CNTNAP2: variants seen among roughly 807,000 people sequenced by gnomAD.
CNTNAP2 encodes the protein contactin-associated protein-like 2.
A neutral mutation model predicts 155.2 loss-of-function variants in CNTNAP2; 98 were observed. The ratio of observed to expected loss-of-function variants is 0.63; its 90% CI spans 0.54 to 0.75. The LOEUF (loss-of-function observed/expected upper bound fraction) is 0.75. Among genes scored for constraint, CNTNAP2 ranks in the 30% least tolerant of loss-of-function variants. The pLI, the probability that CNTNAP2 is intolerant of heterozygous loss-of-function variation, is 0.00. For missense variants in CNTNAP2, 1,727 were observed against 1,688.1 expected (o/e 1.02, Z -0.40); for synonymous variants, 651 against 631.2 (o/e 1.03, Z -0.47).
chr7:146,173,708 A>C (rs1486238142), intron 1 of CNTNAP2, among the ~76,000 whole-genome samples: 3 of 152,322 alleles, frequency 2.0e-5, no homozygotes, highest in African/African-American at 7.2e-5. Flanking sequence ...AGGACTCTAA[A>C]AATTGCTCAG....
intron 17 of CNTNAP2, among the ~76,000 whole-genome samples, chr7:148,158,367 C>T (rs1305293382): frequency 6.6e-6 from 1 of 151,916 alleles, no homozygotes; most frequent in African/African-American, 2.4e-5. Context: ...GGACTACAGG[C>T]ACACGTCACC....
At chr7:146,812,039 C>T (rs1423429237) in intron 2 of CNTNAP2, among the ~76,000 whole-genome samples, 14 of 152,018 alleles carry the variant, frequency 9.2e-5, no homozygotes, top group Admixed American at 9.2e-4. Flanking sequence ...TGAAAATGGA[C>T]TAATACAGTA....
chr7:146,551,886 T>C (rs1429269504), intron 1 of CNTNAP2, among the ~76,000 whole-genome samples: 1 of 152,124 alleles, frequency 6.6e-6, no homozygotes, highest in Non-Finnish European at 1.5e-5. Context: ...GAGACTGCAT[T>C]GATTAGTTCT....
chr7:147,631,338 A>G (rs1056998391), intron 12 of CNTNAP2, among the ~76,000 whole-genome samples: 2 of 152,178 alleles, frequency 1.3e-5, no homozygotes, highest in Non-Finnish European at 2.9e-5. Context: ...CATTAATGAC[A>G]CAAACAAATG....
chr7:148,334,043 T>G (rs1798076057), intron 21 of CNTNAP2, among the ~76,000 whole-genome samples: 1 of 152,250 alleles, frequency 6.6e-6, no homozygotes, highest in South Asian at 2.1e-4. Flanking sequence ...AGAGTTTGTG[T>G]AATTTTCATC....
At chr7:147,624,056 A>T (rs1794922517) in intron 12 of CNTNAP2, among the ~76,000 whole-genome samples, 1 of 152,162 alleles carries the variant, frequency 6.6e-6, no homozygotes, top group Admixed American at 6.6e-5. Context: ...CTGAATGTTC[A>T]TATGCGGAAG....
In CNTNAP2 at chr7:147,199,715, G is replaced by A. The variant is rs201725750; in HGVS notation, c.1348+67206G>A. The stretch of plus-strand genomic sequence containing the variant: ...GAGATTCTTTAGAGAAATGAAGTTC[G>A]TCTGTTACAATTACACTGGCATGCT... On this transcript the variant is annotated intron_variant, in intron 8 of 23. Transcript: ENST00000361727. 8.6e-5 allele frequency among the ~76,000 whole-genome samples: 13 copies of A among 151,706 alleles called. 1 individual carries two copies. Among genetic ancestry groups the A allele is most frequent in the South Asian group, 8.3e-4 (4 of 4,812 alleles).
intron 16 of CNTNAP2, among the ~76,000 whole-genome samples, chr7:148,138,613 A>C (rs915831896): frequency 6.6e-5 from 10 of 152,114 alleles, no homozygotes; most frequent in Non-Finnish European, 1.3e-4. Context: ...TCTCCTCTTC[A>C]TCTCTAGGGG....
chr7:146,553,630 A>G (rs1798153166), intron 1 of CNTNAP2, among the ~76,000 whole-genome samples: 1 of 151,372 alleles, frequency 6.6e-6, no homozygotes, highest in Non-Finnish European at 1.5e-5. Context: ...TGGACTAACA[A>G]TTTCATTTAC....
intron 13 of CNTNAP2, among the ~76,000 whole-genome samples, chr7:147,671,090 G>A (rs1032421279): frequency 4.6e-5 from 7 of 152,222 alleles, no homozygotes; most frequent in African/African-American, 1.7e-4. Flanking sequence ...CCCATGAGTG[G>A]TGGAGCACAG....
At chr7:148,240,488 T>C (rs1796125936) in intron 20 of CNTNAP2, among the ~76,000 whole-genome samples, 1 of 152,152 alleles carries the variant, frequency 6.6e-6, no homozygotes. Flanking sequence ...TTGAGGACAA[T>C]GTCAGTGTAA....
chr7:148,067,314 CCT>C (rs1451974236), intron 15 of CNTNAP2, among the ~76,000 whole-genome samples: 1 of 152,160 alleles, frequency 6.6e-6, no homozygotes, highest in Non-Finnish European at 1.5e-5. Flanking sequence ...GTGCTCTCCC[CCT>C]TTCCCTAGGG....
At chr7:147,583,320 G>A (rs1371180409) in intron 12 of CNTNAP2, among the ~76,000 whole-genome samples, 1 of 151,770 alleles carries the variant, frequency 6.6e-6, no homozygotes, top group Non-Finnish European at 1.5e-5. Flanking sequence ...ATGACATACG[G>A]CTAAGCCTGT....
chr7:147,037,900 A>T (rs982514), intron 3 of CNTNAP2, among the ~76,000 whole-genome samples: 87,200 of 152,062 alleles, frequency 0.57, 26,528 homozygotes, highest in African/African-American at 0.77. Flanking sequence ...CAGCTTTGTA[A>T]TCAAGACAAT....
intron 1 of CNTNAP2, among the ~76,000 whole-genome samples, chr7:146,298,438 G>C (rs2129087874): frequency 6.6e-6 from 1 of 152,170 alleles, no homozygotes; most frequent in South Asian, 2.1e-4. Flanking sequence ...CCCACCCCCT[G>C]CAAAACCTTA....
intron 13 of CNTNAP2, among the ~76,000 whole-genome samples, chr7:147,803,209 G>A (rs963884032): frequency 6.6e-6 from 1 of 152,088 alleles, no homozygotes; most frequent in Non-Finnish European, 1.5e-5. Flanking sequence ...ACTTTATTTA[G>A]CAAAAATTAA....
At chr7:148,038,632 C>T (rs1043476073) in intron 15 of CNTNAP2, among the ~76,000 whole-genome samples, 2 of 152,166 alleles carry the variant, frequency 1.3e-5, no homozygotes, top group Non-Finnish European at 2.9e-5. Context: ...TAGTCTACCC[C>T]TCCACATGTT....
chr7:146,947,482 A>G (rs1261128886), intron 3 of CNTNAP2, among the ~76,000 whole-genome samples: 1 of 140,960 alleles, frequency 7.1e-6, no homozygotes, highest in Non-Finnish European at 1.5e-5. Flanking sequence ...TATATATACT[A>G]TATATATACA....
intron 3 of CNTNAP2, among the ~76,000 whole-genome samples, chr7:146,968,976 C>G (rs1029857534): frequency 4.7e-5 from 7 of 148,266 alleles, no homozygotes; most frequent in African/African-American, 1.8e-4. Flanking sequence ...CTACACACTG[C>G]TTTGAATGCG....
Sources: allele counts gnomAD v4.1 joint callset (sites outside exome capture counted in the v4.1 genomes callset), GRCh38; gene constraint gnomAD v4.1.1; transcripts MANE v1.5; gene names NCBI Gene and HGNC (gene_info 2026-07-23, HGNC 2026-07-21).